The following STK32A variants were observed in gnomAD, a reference collection of about 807,000 sequenced individuals.
STK32A encodes serine/threonine kinase 32A, also known as serine/threonine-protein kinase 32A.
STK32A carries 41 observed loss-of-function variants against 53.2 expected under a neutral mutation model. The ratio of observed to expected loss-of-function variants is 0.77; its 90% CI spans 0.60 to 1.00. STK32A has a LOEUF of 1.00. Among genes scored for constraint, STK32A ranks in the 50% least tolerant of loss-of-function variants. The pLI, the probability that STK32A is intolerant of heterozygous loss-of-function variation, is 0.00. For synonymous variants in STK32A, 166 were observed against 162.8 expected, an observed-to-expected ratio of 1.02 and a Z score of -0.15; for missense variants, 458 against 485.8, an observed-to-expected ratio of 0.94 and a Z score of 0.54.
chr5:147,235,333 G>A (rs1295142424), intron 1 of STK32A, 134 bp downstream of exon 1: 1 of 152,358 alleles, frequency 6.6e-6, no homozygotes, highest in African/African-American at 2.4e-5. Context: ...ACTAAATGCA[G>A]GCTAGGGCCA....
chr5:147,364,820 A>G (rs1756673486), intron 8 of STK32A, among the ~76,000 whole-genome samples: 1 of 152,148 alleles, frequency 6.6e-6, no homozygotes, highest in African/African-American at 2.4e-5. Context: ...TCATCTCCAA[A>G]TACCATCATA....
chr5:147,395,635 T>C, the STK32A span: 1 of 1,613,944 alleles, frequency 6.2e-7, no homozygotes, highest in Non-Finnish European at 8.5e-7. Context: ...GAGCAGAGCC[T>C]GCGGGGGTGC....
chr5:147,355,437 G>A (rs1756171608), intron 7 of STK32A, among the ~76,000 whole-genome samples: 1 of 152,078 alleles, frequency 6.6e-6, no homozygotes, highest in Non-Finnish European at 1.5e-5. Flanking sequence ...ACTTTGGGAG[G>A]CCGAGGCGGG....
intron 11 of STK32A, 174 bp from the exon 12 acceptor site, chr5:147,383,267 C>T: frequency 1.6e-6 from 1 of 633,072 alleles, no homozygotes; most frequent in Non-Finnish European, 2.8e-6. Flanking sequence ...CTGGTGCTTC[C>T]TGTTTTGCCA....
At chr5:147,247,059 A>G (rs1454121029) in intron 2 of STK32A, among the ~76,000 whole-genome samples, 1 of 152,222 alleles carries the variant, frequency 6.6e-6, no homozygotes, top group Non-Finnish European at 1.5e-5. Context: ...GACATTTTTA[A>G]TTTTCAACTT....
Position 147,384,400 on chromosome 5 carries a change from A to G in STK32A, c.*417A>G. 1 of 1,534,268 alleles carries G rather than the reference A, an allele frequency of 6.5e-7. No individual in the cohort carries two copies. The highest frequency in any genetic ancestry group is 8.7e-7 in the Non-Finnish European group (1 of 1,146,046). ...TGACAAATGGACAAATGGACACAGG[A>G]CTCAGTGAGACTTTTCAGACCTCGA... On this transcript the variant is annotated 3_prime_UTR_variant, in exon 13 of 13. Transcript: ENST00000397936.
At chr5:147,249,969 T>A (rs1753915549) in intron 2 of STK32A, among the ~76,000 whole-genome samples, 1 of 147,560 alleles carries the variant, frequency 6.8e-6, no homozygotes, top group Non-Finnish European at 1.5e-5. Context: ...GATGATAGTA[T>A]CTGGACTCAC....
intron 4 of STK32A, among the ~76,000 whole-genome samples, chr5:147,299,611 G>A (rs531427043): frequency 7.9e-5 from 12 of 152,262 alleles, no homozygotes; most frequent in East Asian, 3.9e-4. Flanking sequence ...AAATGTCAAC[G>A]TGAAACAAGA....
the STK32A span, among the ~76,000 whole-genome samples, chr5:147,396,542 A>G: frequency 3.9e-5 from 6 of 152,174 alleles, no homozygotes; most frequent in African/African-American, 7.2e-5. Context: ...GATCATCACA[A>G]GAAGTCCTGT....
chr5:147,294,768 C>T lies in STK32A; in HGVS notation c.260+15370C>T, dbSNP rs556270506. ...GTGCGATCTTGGCTCACTGCAACCT[C>T]TGCCTCCTGGGTTCAAGCAATTCTC... is the stretch of plus-strand genomic sequence containing the variant. On this transcript the variant is annotated intron_variant, in intron 4 of 12. Transcript: ENST00000397936. Among the ~76,000 whole-genome samples the T allele has an allele frequency of 1.4e-3, 220 of 152,112 alleles. 1 individual carries two copies. The highest frequency in any genetic ancestry group is 6.9e-4 in the Non-Finnish European group (47 of 67,996).
chr5:147,382,919 C>T (rs945861114), intron 11 of STK32A: 1 of 152,624 alleles, frequency 6.6e-6, no homozygotes, highest in Non-Finnish European at 1.5e-5. Flanking sequence ...GGCCATCAAG[C>T]ATTTTGTTTG....
At chr5:147,332,455 G>A (rs546554641) in intron 5 of STK32A, among the ~76,000 whole-genome samples, 2 of 151,828 alleles carry the variant, frequency 1.3e-5, no homozygotes, top group African/African-American at 4.8e-5. Flanking sequence ...TACATGTCCA[G>A]TATGAGAACA....
intron 4 of STK32A, among the ~76,000 whole-genome samples, chr5:147,284,696 CAAAAAAACAACA>C (rs1752241992): frequency 3.9e-5 from 2 of 51,658 alleles, no homozygotes; most frequent in African/African-American, 7.1e-5. Flanking sequence ...CAAGACAAAA[CAAAAAAACAACA>C]AAAAAAAAAC....
intron 2 of STK32A, among the ~76,000 whole-genome samples, chr5:147,247,194 CTGCTGTATGGCCT>C (rs1397447937): frequency 2.0e-5 from 3 of 152,228 alleles, no homozygotes; most frequent in African/African-American, 7.2e-5. Context: ...GAGCTGACTT[CTGCTGTATGGCCT>C]TGCAAATGTC....
At chr5:147,264,587 G>A (rs187689169) in intron 2 of STK32A, among the ~76,000 whole-genome samples, 42 of 152,240 alleles carry the variant, frequency 2.8e-4, no homozygotes, top group African/African-American at 9.9e-4. Flanking sequence ...TCATAATAAT[G>A]GAAATACCGA....
At chr5:147,394,802 C>T in the STK32A span, among the ~76,000 whole-genome samples, 1 of 152,170 alleles carries the variant, frequency 6.6e-6, no homozygotes, top group African/African-American at 2.4e-5. Context: ...CTAGGTCTCC[C>T]TTACCTCTTT....
intron 2 of STK32A, among the ~76,000 whole-genome samples, chr5:147,252,843 T>C (rs888022242): frequency 1.3e-5 from 2 of 152,232 alleles, no homozygotes; most frequent in Non-Finnish European, 2.9e-5. Flanking sequence ...CACTAGAAAG[T>C]GAACTCCATG....
At chr5:147,327,520 G>A (rs1347707843) in intron 5 of STK32A, among the ~76,000 whole-genome samples, 1 of 152,202 alleles carries the variant, frequency 6.6e-6, no homozygotes, top group Non-Finnish European at 1.5e-5. Flanking sequence ...TCTACATTTT[G>A]CCTTTGGACA....
chr5:147,286,549 A>G (rs1045519680), intron 4 of STK32A, among the ~76,000 whole-genome samples: 1 of 152,096 alleles, frequency 6.6e-6, no homozygotes, highest in East Asian at 1.9e-4. Flanking sequence ...TAGTCATGTG[A>G]AACTGCTGTC....
Sources: gnomAD v4.1 joint callset for allele counts (sites outside exome capture counted in the v4.1 genomes callset) on GRCh38, gnomAD v4.1.1 for gene constraint, MANE v1.5 for transcripts, NCBI Gene and HGNC (gene_info 2026-07-23, HGNC 2026-07-21) for gene names.